Variants in TNR observed in about 807,000 individuals in gnomAD.
The protein encoded by TNR is tenascin R, also known as tenascin-R.
Under a neutral mutation model 150.4 loss-of-function variants are expected in TNR, and 45 were observed. The ratio of observed to expected loss-of-function variants is 0.30; its 90% confidence interval spans 0.24 to 0.38. The LOEUF is 0.38. Among genes scored for constraint, TNR ranks in the 10% least tolerant of loss-of-function variants. The pLI is 1.00. For missense variants in TNR, 1,544 were observed against 1,759.1 expected (o/e 0.88, Z 2.19); for synonymous variants, 687 against 678.4 (o/e 1.01, Z -0.20).
chr1:175,727,395 C>T lies in TNR; in HGVS notation c.-165+15831G>A, dbSNP rs148096095. Among the ~76,000 whole-genome samples the T allele has an allele frequency of 1.8e-3, 270 of 152,224 alleles. 1 individual carries two copies. Among genetic ancestry groups the T allele is most frequent in the African/African-American group, 3.8e-3 (157 of 41,554 alleles). On this transcript the variant is annotated intron_variant, in intron 1 of 22. Coordinates refer to ENST00000367674, the MANE Select transcript of TNR (RefSeq NM_003285.3). ...AGATTAAGTTCACTGGAGACCTTGA[C>T]AAGAGCAGTCTCTTTGGAGTAGTGA...
At chr1:175,367,532 G>A (rs1651900993) in intron 9 of TNR, among the ~76,000 whole-genome samples, 2 of 152,190 alleles carry the variant, frequency 1.3e-5, no homozygotes, top group South Asian at 4.1e-4. Flanking sequence ...TCTCTGGGAA[G>A]GCAGTGAGGC....
chr1:175,363,615 C>A (rs1273307341), intron 13 of TNR, 93 bp downstream of exon 13: 15 of 1,487,366 alleles, frequency 1.0e-5, no homozygotes, highest in Non-Finnish European at 1.4e-5. Flanking sequence ...AGGAAAAACG[C>A]AGGCAGGAGT....
At position 175,319,767 on chromosome 1, in the gene TNR, G is replaced by C. The variant is rs1648946957; in HGVS notation, c.*3590C>G. The C allele has an allele frequency of 6.6e-6, 1 of 152,230 alleles. No homozygotes were observed. The highest frequency in any genetic ancestry group is 1.5e-5 in the Non-Finnish European group (1 of 68,030). The allele number at this position is 152,230 out of a possible 1,614,324, so 9.4% of individuals were successfully genotyped here. On this transcript the variant is annotated 3_prime_UTR_variant, in exon 23 of 23. Transcript: ENST00000367674. Reference sequence around the variant, plus strand: ...GCTCTCCTGGAAACTTGGAGACGTGGCCTTTCTCAACCCCGCTGACGTTTC... The same window carrying C: ...GCTCTCCTGGAAACTTGGAGACGTGCCCTTTCTCAACCCCGCTGACGTTTC...
At position 175,662,205 on chromosome 1, in the gene TNR, G is replaced by T. The variant is rs565018064; in HGVS notation, c.-165+81021C>A. On this transcript the variant is annotated intron_variant, in intron 1 of 22. Coordinates refer to ENST00000367674, the MANE Select transcript of TNR (RefSeq NM_003285.3). ...ATAACCATGATGATATGACATGGTG[G>T]TTCATAAAAGCTGGTGTTTTCTACA... Among the ~76,000 whole-genome samples the T allele has an allele frequency of 3.3e-5, 5 of 152,280 alleles. No homozygotes were observed. In the South Asian group the frequency reaches 1.0e-3, roughly 32 times the overall value.
intron 21 of TNR, among the ~76,000 whole-genome samples, chr1:175,327,471 G>T (rs919858190): frequency 6.6e-6 from 1 of 152,146 alleles, no homozygotes; most frequent in African/African-American, 2.4e-5. Flanking sequence ...TATCCTGTTT[G>T]TGGCTGTCAC....
chr1:175,617,547 A>T (rs1364773819), intron 1 of TNR, among the ~76,000 whole-genome samples: 2 of 151,992 alleles, frequency 1.3e-5, no homozygotes, highest in Non-Finnish European at 2.9e-5. Context: ...AAAGCCTTCT[A>T]TTCATAGTGT....
intron 2 of TNR, among the ~76,000 whole-genome samples, chr1:175,466,044 C>T (rs1443580883): frequency 6.6e-6 from 1 of 152,166 alleles, no homozygotes; most frequent in Non-Finnish European, 1.5e-5. Flanking sequence ...TGGAATTGGT[C>T]TTTCCTGTGG....
intron 20 of TNR, among the ~76,000 whole-genome samples, chr1:175,333,934 G>A (rs566852759): frequency 9.8e-5 from 15 of 152,302 alleles, no homozygotes; most frequent in South Asian, 2.1e-4. Flanking sequence ...AGGAAGCATC[G>A]GGGGTTTTGC....
chr1:175,361,402 C>T (rs1651581056), intron 14 of TNR, among the ~76,000 whole-genome samples: 1 of 152,070 alleles, frequency 6.6e-6, no homozygotes. Context: ...CACTTCTGGC[C>T]AACACTTGTT....
chr1:175,488,028 G>T (rs61175179), intron 2 of TNR, among the ~76,000 whole-genome samples: 1 of 152,100 alleles, frequency 6.6e-6, no homozygotes, highest in African/African-American at 2.4e-5. Context: ...CATAAGGGTG[G>T]TTCCAAAAGT....
intron 1 of TNR, among the ~76,000 whole-genome samples, chr1:175,652,440 TA>T (rs1258422492): frequency 5.3e-5 from 8 of 151,240 alleles, no homozygotes; most frequent in East Asian, 3.9e-4. Flanking sequence ...TATCTGTATT[TA>T]AAAAAAAATC....
At chr1:175,398,635 C>T (rs1653552065) in intron 4 of TNR, among the ~76,000 whole-genome samples, 1 of 152,046 alleles carries the variant, frequency 6.6e-6, no homozygotes, top group East Asian at 1.9e-4. Context: ...TTCAATTCAC[C>T]CTCTCACCAA....
chr1:175,666,054 A>G (rs1665524320), intron 1 of TNR, among the ~76,000 whole-genome samples: 2 of 152,272 alleles, frequency 1.3e-5, no homozygotes, highest in Admixed American at 1.3e-4. Flanking sequence ...ACTTAGTCAT[A>G]TATTAAATTT....
chr1:175,382,330 G>A (rs1652718351), intron 8 of TNR, among the ~76,000 whole-genome samples: 1 of 152,206 alleles, frequency 6.6e-6, no homozygotes. Context: ...GGAGCATTGA[G>A]AATGCTTGGG....
intron 18 of TNR, among the ~76,000 whole-genome samples, chr1:175,349,945 CACCTCT>C (rs1650978631): frequency 6.6e-6 from 1 of 152,232 alleles, no homozygotes; most frequent in African/African-American, 2.4e-5. Context: ...GAAGCCCTAT[CACCTCT>C]GCACTTTGGT....
chr1:175,361,520 C>T (rs1006278452), intron 14 of TNR, among the ~76,000 whole-genome samples: 3 of 152,126 alleles, frequency 2.0e-5, no homozygotes, highest in East Asian at 1.9e-4. Context: ...GAATATCCTG[C>T]GCTGTCTTTA....
intron 1 of TNR, among the ~76,000 whole-genome samples, chr1:175,647,938 G>A (rs907191646): frequency 6.6e-6 from 1 of 152,150 alleles, no homozygotes; most frequent in African/African-American, 2.4e-5. Flanking sequence ...TTCAAGTGCA[G>A]GTGGCAGGAG....
At chr1:175,391,464 C>G (rs767254282) in intron 6 of TNR, 26 bp from the exon 7 acceptor site, 14 of 1,605,862 alleles carry the variant, frequency 8.7e-6, no homozygotes, top group Non-Finnish European at 6.8e-6. Flanking sequence ...AAGCAGAGAG[C>G]AAAAGAGAAA....
At chr1:175,548,949 C>T (rs1660828209) in intron 1 of TNR, among the ~76,000 whole-genome samples, 1 of 152,164 alleles carries the variant, frequency 6.6e-6, no homozygotes, top group African/African-American at 2.4e-5. Context: ...CTGGGATCTG[C>T]CAAGACAGGA....
Sources: gnomAD v4.1 joint callset for allele counts (sites outside exome capture counted in the v4.1 genomes callset) on GRCh38, gnomAD v4.1.1 for gene constraint, MANE v1.5 for transcripts, NCBI Gene and HGNC (gene_info 2026-07-23, HGNC 2026-07-21) for gene names.